Variants in SP100 observed in about 807,000 individuals in gnomAD.
The protein encoded by SP100 is nuclear autoantigen Sp-100.
Under a neutral mutation model 130.0 loss-of-function variants are expected in SP100, and 84 were observed. That is an observed-to-expected ratio of 0.65 (90% CI 0.54 to 0.77). The LOEUF (loss-of-function observed/expected upper bound fraction) is 0.77, where lower values mean the gene tolerates loss of function less well. SP100 is among the 30% of genes least tolerant of loss of function. The pLI is 0.00. For synonymous variants in SP100, 331 were observed against 351.7 expected (o/e 0.94, Z 0.66); for missense variants, 978 against 1,052.2 (o/e 0.93, Z 0.97).
At chr2:230,519,897 C>T (rs1691093109) in intron 24 of SP100, among the ~76,000 whole-genome samples, 1 of 150,832 alleles carries the variant, frequency 6.6e-6, no homozygotes, top group Admixed American at 6.6e-5. Flanking sequence ...TATCTAAGTA[C>T]TTGCAAGAAG....
intron 2 of SP100, among the ~76,000 whole-genome samples, chr2:230,424,542 C>T (rs761604813): frequency 5.9e-5 from 9 of 151,988 alleles, no homozygotes; most frequent in Admixed American, 3.3e-4. Context: ...GTGGCAGGCA[C>T]CTGTAATCCC....
At chr2:230,481,352 C>T (rs893323232) in intron 17 of SP100, among the ~76,000 whole-genome samples, 1 of 152,178 alleles carries the variant, frequency 6.6e-6, no homozygotes, top group Non-Finnish European at 1.5e-5. Context: ...TTGTCATCCT[C>T]ATCAGTAATC....
intron 24 of SP100, among the ~76,000 whole-genome samples, chr2:230,520,184 GAA>G (rs796742627): frequency 7.2e-5 from 11 of 152,294 alleles, no homozygotes; most frequent in African/African-American, 2.6e-4. Flanking sequence ...CCAGCTGAGC[GAA>G]AAGTTAACAG....
chr2:230,470,292 G>A (rs2149992611), intron 15 of SP100, 194 bp downstream of exon 15: 12 of 1,307,800 alleles, frequency 9.2e-6, no homozygotes, highest in Non-Finnish European at 1.2e-5. Flanking sequence ...AACAGAAAGA[G>A]TTTCACTGAC....
rs1183101639 is a variant in SP100, at chr2:230,462,761, C to T, written c.1057+243C>T. On this transcript the variant is annotated intron_variant, in intron 10 of 28. Coordinates refer to ENST00000340126, the MANE Select transcript of SP100 (RefSeq NM_001080391.2). ...GGATTCTATTAATCAATATTCATAC[C>T]CATACATTGATTATATAGTAGGAAT... 1.3e-5 allele frequency: 6 copies of T among 469,514 alleles called. No homozygotes were observed. The East Asian group carries it at 2.5e-4, about 20-fold the overall frequency. The allele number at this position is 469,514 out of a possible 1,614,324, so 29.1% of individuals were successfully genotyped here. A position where few individuals can be genotyped will look rare whatever the true frequency, so the allele number is the denominator to read the frequency against.
At chr2:230,508,852 A>G (rs1690339061) in intron 23 of SP100, 1 of 152,190 alleles carries the variant, frequency 6.6e-6, no homozygotes, top group Admixed American at 6.6e-5. Context: ...ATATATAGGC[A>G]TATGTCACCC....
chr2:230,432,382 C>A (rs552679448), intron 2 of SP100, among the ~76,000 whole-genome samples: 1 of 151,948 alleles, frequency 6.6e-6, no homozygotes, highest in African/African-American at 2.4e-5. Flanking sequence ...TATACATGTT[C>A]GTTTCTAGGT....
rs942485359 is a variant in SP100, at chr2:230,543,214, C to T, written c.*268C>T. On this transcript the variant is annotated 3_prime_UTR_variant, in exon 29 of 29. Coordinates refer to ENST00000340126, the MANE Select transcript of SP100 (RefSeq NM_001080391.2). ...CCCACAGACAACATTATATGGAATGCGCAAAAGAAGCATTCCCCTTGAAAA... is the reference window on the plus strand; with the variant it reads ...CCCACAGACAACATTATATGGAATGTGCAAAAGAAGCATTCCCCTTGAAAA... The T allele has an allele frequency of 2.6e-5, 6 of 234,132 alleles. No homozygotes were observed. The highest frequency in any genetic ancestry group is 9.0e-5 in the South Asian group (1 of 11,150). The allele number at this position is 234,132 out of a possible 1,614,324, so 14.5% of individuals were successfully genotyped here. A position where few individuals can be genotyped will look rare whatever the true frequency, so the allele number is the denominator to read the frequency against.
chr2:230,428,101 T>C (rs2062989326), intron 2 of SP100, among the ~76,000 whole-genome samples: 1 of 152,008 alleles, frequency 6.6e-6, no homozygotes, highest in Non-Finnish European at 1.5e-5. Flanking sequence ...CGTGGTGGCA[T>C]GTGCCTGTAG....
chr2:230,421,370 T>C (rs1038695291), intron 2 of SP100, among the ~76,000 whole-genome samples: 2 of 152,186 alleles, frequency 1.3e-5, no homozygotes, highest in African/African-American at 2.4e-5. Context: ...AAGGCTGACC[T>C]TGAAGCTTGA....
intron 3 of SP100, 40 bp downstream of exon 3, chr2:230,443,139 C>T (rs2063535728): frequency 6.3e-7 from 1 of 1,596,412 alleles, no homozygotes; most frequent in Middle Eastern, 1.7e-4. Flanking sequence ...GTAAAGCAGC[C>T]CCAAAATAAG....
chr2:230,438,405 A>G (rs1385785338), intron 2 of SP100, among the ~76,000 whole-genome samples: 1 of 151,982 alleles, frequency 6.6e-6, no homozygotes, highest in Admixed American at 6.6e-5. Flanking sequence ...CTCAATGTGT[A>G]TTCTTTTATC....
At chr2:230,541,053 G>A in intron 26 of SP100, 57 bp downstream of exon 26, 1 of 1,570,902 alleles carries the variant, frequency 6.4e-7, no homozygotes, top group Admixed American at 1.8e-5. Context: ...GGCAGGAGAA[G>A]CACAGTCTTA....
At chr2:230,491,431 G>A (rs1360166054) in intron 17 of SP100, among the ~76,000 whole-genome samples, 1 of 152,244 alleles carries the variant, frequency 6.6e-6, no homozygotes, top group Non-Finnish European at 1.5e-5. Context: ...CAGGCCTGAA[G>A]AGGCACTCTG....
Position 230,507,995 on chromosome 2 carries a change from C to A in SP100, c.2016C>A (p.Asn672Lys), listed in dbSNP as rs1340868610. 1 of 1,612,768 alleles carries A rather than the reference C, an allele frequency of 6.2e-7. No homozygotes were observed. Among genetic ancestry groups the A allele is most frequent in the Non-Finnish European group, 8.5e-7 (1 of 1,179,398 alleles). ...CATTTATCTCTTTTCTTTTTTAGAACAAATTTCTGCCAGAACCACCAAGCA... is the reference window on the plus strand; with the variant it reads ...CATTTATCTCTTTTCTTTTTTAGAAAAAATTTCTGCCAGAACCACCAAGCA... ...GGYTLKVLME[N>K]KFLPEPPSTR... The change falls in exon 23 of 29, where the codon AAC becomes AAA. Residue 672 changes from asparagine to lysine, a missense_variant and splice_region_variant. Coordinates refer to ENST00000340126, the MANE Select transcript of SP100 (RefSeq NM_001080391.2).
chr2:230,441,197 A>C (rs114234631), intron 2 of SP100, among the ~76,000 whole-genome samples: 259 of 152,374 alleles, frequency 1.7e-3, no homozygotes, highest in Non-Finnish European at 2.5e-3. Context: ...TTGCCAATTA[A>C]CACATGAAAA....
intron 24 of SP100, among the ~76,000 whole-genome samples, chr2:230,525,390 T>C (rs781538335): frequency 1.8e-4 from 28 of 152,172 alleles, no homozygotes; most frequent in Non-Finnish European, 7.4e-5. Flanking sequence ...GCTCTTAGTC[T>C]TGATGAAGGT....
chr2:230,417,435 C>G (rs2149849152), intron 1 of SP100, among the ~76,000 whole-genome samples, 156 bp from the exon 2 acceptor site: 1 of 152,218 alleles, frequency 6.6e-6, no homozygotes, highest in Middle Eastern at 3.4e-3. Flanking sequence ...TTAAATTGTT[C>G]ACATTTACCA....
In SP100 at chr2:230,474,435, A is replaced by T; in HGVS notation, c.1588A>T (p.Ser530Cys). ...AAACAATTCTACTTTGGAAAAACACAGTGGGAAAAGAAGTAAGAACAAATA... is the reference window on the plus strand; with the variant it reads ...AAACAATTCTACTTTGGAAAAACACTGTGGGAAAAGAAGTAAGAACAAATA... ...VENNSTLEKH[S>C]GKRRKKRRHR... The change falls in exon 17 of 29, where the codon AGT becomes TGT. Residue 530 changes from serine to cysteine, a missense_variant. Transcript: ENST00000340126. The T allele has an allele frequency of 6.7e-7, 1 of 1,488,860 alleles. No individual in the cohort carries two copies. The highest frequency in any genetic ancestry group is 9.3e-7 in the Non-Finnish European group (1 of 1,073,428). 92.2% of individuals were successfully genotyped at this position (1,488,860 alleles called of 1,614,324 possible).
Sources: gnomAD v4.1 joint callset for allele counts (sites outside exome capture counted in the v4.1 genomes callset) on GRCh38, gnomAD v4.1.1 for gene constraint, MANE v1.5 for transcripts, NCBI Gene and HGNC (gene_info 2026-07-23, HGNC 2026-07-21) for gene names.